The following KRT40 variants were observed in gnomAD, a reference collection of about 807,000 sequenced individuals.
KRT40 encodes keratin 40.
In KRT40, 47 loss-of-function variants were observed where a neutral mutation model predicts 43.5. The observed-to-expected ratio is 1.08, with a 90% CI of 0.86 to 1.38. The LOEUF is 1.38. KRT40 is among the 40% of genes most tolerant of loss of function. The probability of loss-of-function intolerance (pLI) is 0.00; values close to 1 mark genes in which losing one functional copy is unlikely to be tolerated. For missense variants in KRT40, 573 were observed against 523.6 expected (o/e 1.09, Z -0.92); for synonymous variants, 212 against 214.0 (o/e 0.99, Z 0.08).
chr17:40,985,166 C>A (rs1427764563), upstream of KRT40, among the ~76,000 whole-genome samples: 1 of 152,132 alleles, frequency 6.6e-6, no homozygotes, highest in Non-Finnish European at 1.5e-5. Context: ...CCACAGGAAT[C>A]TTTTCTTCTG....
At chr17:40,979,930 C>T (rs35134724) in intron 5 of KRT40, among the ~76,000 whole-genome samples, 58,066 of 152,010 alleles carry the variant, frequency 0.38, 13,417 homozygotes, top group African/African-American at 0.66. Context: ...ATGATAAATA[C>T]TTGAGGTGAT....
chr17:40,984,078 C>T lies in KRT40; in HGVS notation c.196G>A (p.Gly66Arg). 6.2e-7 allele frequency: 1 copy of T among 1,614,082 alleles called. No homozygotes were observed. ...ACCAAGCAGGGACTATTACAACTCC[C>T]AGTAAAGTAGCATGGCAGGAGGCAA... ...TGCLLPCYFT[G>R]SCNSPCLVGN... Residue 66 changes from glycine to arginine, a missense_variant, in exon 1 of 7, where the codon GGG becomes AGG. Gly to Arg is a moderately radical substitution (Grantham distance 125). Coordinates refer to ENST00000377755, the MANE Select transcript of KRT40 (RefSeq NM_001389244.1).
At chr17:40,985,711 C>A (rs1287895168), upstream of KRT40, among the ~76,000 whole-genome samples, 1 of 152,156 alleles carries the variant, frequency 6.6e-6, no homozygotes, top group Non-Finnish European at 1.5e-5. Flanking sequence ...CACATCAACA[C>A]TTATGCAAAA....
chr17:40,978,358 G>A, intron 6 of KRT40, 62 bp from the exon 7 acceptor site: 2 of 1,313,294 alleles, frequency 1.5e-6, no homozygotes, highest in Non-Finnish European at 2.2e-6. Flanking sequence ...TGGCAACTCA[G>A]AAAAACCGTG....
chr17:40,982,347 A>G lies in KRT40; in HGVS notation c.647T>C (p.Leu216Pro). 1 of 1,602,976 alleles carries G rather than the reference A, an allele frequency of 6.2e-7. No homozygotes were observed. Among genetic ancestry groups the G allele is most frequent in the Non-Finnish European group, 8.5e-7 (1 of 1,175,490 alleles). The stretch of plus-strand genomic sequence containing the variant: ...CTTAAGGCAAAGGAGATCTTCCTTC[A>G]GAGACTCCACATGGGCCTCCAGATC... ...KSDLEAHVES[L>P]KEDLLCLKKN... The change falls in exon 3 of 7, where the codon CTG becomes CCG. Residue 216 changes from leucine (L) to proline (P), a missense_variant. Leu to Pro is a moderately conservative substitution (Grantham distance 98). Coordinates refer to ENST00000377755, the MANE Select transcript of KRT40 (RefSeq NM_001389244.1).
chr17:40,981,036 A>T lies in KRT40; in HGVS notation c.803T>A (p.Val268Glu), dbSNP rs1912115965. ...AGCTTCTCTGCGATTGTTGGCAAGC[A>T]CCGTTTCACACTGACAGCGCATCTC... ...LDEMRCQCET[V>E]LANNRREAEE... Residue 268 changes from valine (V) to glutamate (E), a missense_variant, in exon 4 of 7, where the codon GTG (valine) becomes GAG (glutamate). Transcript: ENST00000377755. 6.2e-7 allele frequency: 1 copy of T among 1,614,108 alleles called. No homozygotes were observed. Among genetic ancestry groups the T allele is most frequent in the African/African-American group, 1.3e-5 (1 of 74,926 alleles).
At chr17:40,984,336 C>G, upstream of KRT40, 1 of 1,319,030 alleles carries the variant, frequency 7.6e-7, no homozygotes, top group Non-Finnish European at 1.1e-6. Flanking sequence ...CCAAAACTCT[C>G]CTCTCCTGAG....
chr17:40,984,165 T>C lies in KRT40; in HGVS notation c.109A>G (p.Thr37Ala), dbSNP rs1510069. 462,355 of 1,613,522 alleles carry C rather than the reference T, an allele frequency of 0.29. 72,184 individuals carry two copies. Among genetic ancestry groups the C allele is most frequent in the African/African-American group, 0.63 (47,095 of 74,814 alleles). The change falls in exon 1 of 7, where the codon ACC becomes GCC. Residue 37 changes from threonine (T) to alanine (A), a missense_variant. By Grantham distance (58) the Thr-to-Ala change is moderately conservative. Coordinates refer to ENST00000377755, the MANE Select transcript of KRT40 (RefSeq NM_001389244.1). ...CSVETACLPG[T>A]CATSRCQTPS... is the part of the protein sequence containing the mutation. Reference sequence around the variant, plus strand: ...GTCTGACATCGGGATGTAGCACAGGTACCGGGGAGACAAGCTGTTTCCACG... The same window carrying C: ...GTCTGACATCGGGATGTAGCACAGGCACCGGGGAGACAAGCTGTTTCCACG...
intron 5 of KRT40, among the ~76,000 whole-genome samples, chr17:40,979,740 T>A (rs12939627): frequency 6.6e-6 from 1 of 151,950 alleles, no homozygotes; most frequent in African/African-American, 2.4e-5. Flanking sequence ...AGGCTGGGAC[T>A]GGCATATGTG....
At chr17:40,980,702 G>C in intron 5 of KRT40, 83 bp downstream of exon 5, 1 of 1,482,310 alleles carries the variant, frequency 6.7e-7, no homozygotes, top group South Asian at 1.4e-5. Flanking sequence ...AAGGAAATGT[G>C]ATCCTCGGAT....
At chr17:40,978,413 A>G in intron 6 of KRT40, 117 bp from the exon 7 acceptor site, 8 of 781,480 alleles carry the variant, frequency 1.0e-5, no homozygotes, top group Non-Finnish European at 1.8e-5. Context: ...AACTCTGCAC[A>G]ATAGCATTGA....
Position 40,984,172 on chromosome 17 carries a change from G to C in KRT40, c.102C>G (p.Leu34=). ...ASSCSVETAC[L]PGTCATSRCQ... ...ATCGGGATGTAGCACAGGTACCGGG[G>C]AGACAAGCTGTTTCCACGGAGCAGC... Residue 34 remains leucine (L), a synonymous_variant, in exon 1 of 7, where the codon CTC becomes CTG. Coordinates refer to ENST00000377755, the MANE Select transcript of KRT40 (RefSeq NM_001389244.1). 6.2e-7 allele frequency: 1 copy of C among 1,614,102 alleles called. No individual in the cohort carries two copies. The highest frequency in any genetic ancestry group is 8.5e-7 in the Non-Finnish European group (1 of 1,180,038).
intron 2 of KRT40, 21 bp from the exon 3 acceptor site, chr17:40,982,484 T>C (rs1194162580): frequency 3.3e-6 from 5 of 1,520,560 alleles, no homozygotes; most frequent in Non-Finnish European, 4.4e-6. Flanking sequence ...AAAAGAGAAA[T>C]CCAACGCTTA....
In KRT40 at chr17:40,983,851, G is replaced by T. The variant is rs1296469483; in HGVS notation, c.423C>A (p.Asn141Lys). 1.2e-6 allele frequency: 2 copies of T among 1,613,956 alleles called. No homozygotes were observed. The highest frequency in any genetic ancestry group is 1.3e-5 in the African/African-American group (1 of 74,930). Reference protein sequence around the residue: ...MVCPDYQRYFNTIEDLQQKIL... With the variant: ...MVCPDYQRYFKTIEDLQQKIL... ...CCTTTTGTTGGAGATCTTCAATGGT[G>T]TTGAAGTAACGCTGATAATCCGGGC... The change falls in exon 1 of 7, where the codon AAC (asparagine) becomes AAA (lysine). Residue 141 changes from asparagine to lysine, a missense_variant. Coordinates refer to ENST00000377755, the MANE Select transcript of KRT40 (RefSeq NM_001389244.1).
In KRT40 at chr17:40,984,042, C is replaced by A. The variant is rs1350445942; in HGVS notation, c.232G>T (p.Ala78Ser). ...GTGAACACCCCATCCTCACACCAGG[C>A]ACAGTTCCCCACCAAGCAGGGACTA... The part of the protein sequence containing the change: ...CNSPCLVGNC[A>S]WCEDGVFTSN... Residue 78 changes from alanine to serine, a missense_variant, in exon 1 of 7, where the codon GCC (alanine) becomes TCC (serine). Transcript: ENST00000377755. The A allele has an allele frequency of 1.2e-5, 19 of 1,614,112 alleles. No homozygotes were observed. Among genetic ancestry groups the A allele is most frequent in the Non-Finnish European group, 1.5e-5 (18 of 1,180,024 alleles).
At chr17:40,980,761 G>T (rs1408458864) in intron 5 of KRT40, 24 bp downstream of exon 5, 1 of 1,568,042 alleles carries the variant, frequency 6.4e-7, no homozygotes. Flanking sequence ...GTGACACAAC[G>T]GACACTGCCT....
chr17:40,979,662 A>G (rs1912023711), intron 5 of KRT40, among the ~76,000 whole-genome samples: 3 of 152,102 alleles, frequency 2.0e-5, no homozygotes, highest in South Asian at 4.1e-4. Context: ...GAGAGGAAAG[A>G]TTGAGTTTGG....
intron 6 of KRT40, among the ~76,000 whole-genome samples, 173 bp downstream of exon 6, chr17:40,978,631 A>T (rs949794516): frequency 6.7e-6 from 1 of 148,160 alleles, no homozygotes; most frequent in African/African-American, 2.7e-5. Flanking sequence ...GAATATTTTA[A>T]AAATATCTCT....
intron 5 of KRT40, among the ~76,000 whole-genome samples, chr17:40,979,987 T>C (rs867303425): frequency 2.0e-5 from 3 of 152,130 alleles, no homozygotes; most frequent in African/African-American, 4.8e-5. Flanking sequence ...TCTATGCATG[T>C]AACAAAATAT....
Sources: allele counts gnomAD v4.1 joint callset (sites outside exome capture counted in the v4.1 genomes callset), GRCh38; gene constraint gnomAD v4.1.1; transcripts MANE v1.5; gene names NCBI Gene and HGNC (gene_info 2026-07-23, HGNC 2026-07-21).